The following RERE variants were observed in gnomAD, a reference collection of about 807,000 sequenced individuals.
RERE encodes arginine-glutamic acid dipeptide repeats protein.
Under a neutral mutation model 146.1 loss-of-function variants are expected in RERE, and 40 were observed. That is an observed-to-expected ratio of 0.27 (90% CI 0.21 to 0.36). RERE has a LOEUF of 0.36. Among genes scored for constraint, RERE ranks in the 10% least tolerant of loss-of-function variants. The probability of loss-of-function intolerance (pLI) is 1.00; values close to 1 mark genes in which losing one functional copy is unlikely to be tolerated. For synonymous variants in RERE, 1,003 were observed against 866.0 expected (o/e 1.16, Z -2.78); for missense variants, 1,933 against 2,138.7 (o/e 0.90, Z 1.90).
intron 7 of RERE, among the ~76,000 whole-genome samples, chr1:8,513,364 T>C (rs1384289492): frequency 1.3e-5 from 2 of 152,352 alleles, no homozygotes; most frequent in African/African-American, 2.4e-5. Context: ...TTTGACTTAA[T>C]AGAAAAGACA....
intron 4 of RERE, among the ~76,000 whole-genome samples, chr1:8,583,868 G>A (rs72639659): frequency 6.6e-6 from 1 of 151,674 alleles, no homozygotes; most frequent in Admixed American, 6.6e-5. Flanking sequence ...ATAAAAACAA[G>A]CAAAAGCAAA....
chr1:8,578,484 T>G (rs1646323873), intron 4 of RERE, among the ~76,000 whole-genome samples: 2 of 152,208 alleles, frequency 1.3e-5, no homozygotes, highest in African/African-American at 4.8e-5. Flanking sequence ...GTTTCTAACT[T>G]TAAACCTAAA....
At chr1:8,629,491 G>A (rs1473779627) in intron 2 of RERE, among the ~76,000 whole-genome samples, 2 of 152,130 alleles carry the variant, frequency 1.3e-5, no homozygotes, top group Non-Finnish European at 1.5e-5. Context: ...GATTCTCAAG[G>A]CAAAGAAGGC....
intron 11 of RERE, 52 bp downstream of exon 11, chr1:8,465,873 C>A (rs367836286): frequency 4.7e-6 from 7 of 1,494,384 alleles, no homozygotes; most frequent in African/African-American, 1.4e-5. Flanking sequence ...CACACTGAGA[C>A]GCCGGTGGCC....
At chr1:8,433,215 C>T (rs1644118588) in intron 11 of RERE, among the ~76,000 whole-genome samples, 1 of 152,196 alleles carries the variant, frequency 6.6e-6, no homozygotes, top group South Asian at 2.1e-4. Context: ...CCACCATCTT[C>T]AAAGCCTCAA....
chr1:8,684,825 T>A (rs1639049030), intron 1 of RERE, among the ~76,000 whole-genome samples: 1 of 132,724 alleles, frequency 7.5e-6, no homozygotes, highest in East Asian at 2.3e-4. Flanking sequence ...GGGTGGGAAA[T>A]CCCTTTACTC....
chr1:8,410,478 TG>T (rs1182315900), intron 12 of RERE, among the ~76,000 whole-genome samples: 5 of 152,004 alleles, frequency 3.3e-5, no homozygotes, highest in African/African-American at 1.2e-4. Context: ...GAACAATGTA[TG>T]GAAGGTGAAG....
chr1:8,714,436 G>A (rs1639724354), intron 1 of RERE, among the ~76,000 whole-genome samples: 1 of 152,176 alleles, frequency 6.6e-6, no homozygotes, highest in South Asian at 2.1e-4. Context: ...GAGGAAAATA[G>A]TCTCCAACCT....
intron 10 of RERE, among the ~76,000 whole-genome samples, chr1:8,480,151 T>G (rs1644814719): frequency 6.8e-6 from 1 of 148,044 alleles, no homozygotes; most frequent in Non-Finnish European, 1.5e-5. Flanking sequence ...TTGTTTTTTT[T>G]TTTTTTGAGA....
chr1:8,719,237 C>T (rs1639815582), intron 1 of RERE, among the ~76,000 whole-genome samples: 1 of 152,186 alleles, frequency 6.6e-6, no homozygotes, highest in East Asian at 1.9e-4. Context: ...AAGCCCCTTT[C>T]CTGCCTCCTC....
At chr1:8,527,033 A>G (rs903919218) in intron 7 of RERE, among the ~76,000 whole-genome samples, 3 of 152,234 alleles carry the variant, frequency 2.0e-5, no homozygotes, top group African/African-American at 7.2e-5. Flanking sequence ...ATGTCAGGAA[A>G]TTAAAGCCTG....
chr1:8,526,185 G>C, intron 7 of RERE: 1 of 541,436 alleles, frequency 1.8e-6, no homozygotes, highest in African/African-American at 2.0e-5. Flanking sequence ...CCCAGCCATG[G>C]AGAGGCTTCA....
chr1:8,685,398 C>G (rs1170874025), intron 1 of RERE, among the ~76,000 whole-genome samples: 1 of 147,688 alleles, frequency 6.8e-6, no homozygotes, highest in Non-Finnish European at 1.5e-5. Context: ...CAACAAAATA[C>G]AAATAATCCT....
chr1:8,597,023 C>G (rs1646562933), intron 4 of RERE, among the ~76,000 whole-genome samples: 2 of 151,836 alleles, frequency 1.3e-5, no homozygotes, highest in Non-Finnish European at 2.9e-5. Context: ...GAAAAGTTAA[C>G]TGGGTTATCT....
chr1:8,572,559 A>C (rs983514700), intron 4 of RERE, among the ~76,000 whole-genome samples: 1 of 152,228 alleles, frequency 6.6e-6, no homozygotes, highest in African/African-American at 2.4e-5. Context: ...ATATAAAAAT[A>C]AACAAAAATA....
chr1:8,414,727 A>G (rs1368379122), intron 12 of RERE, among the ~76,000 whole-genome samples: 5 of 152,184 alleles, frequency 3.3e-5, no homozygotes, highest in Admixed American at 2.6e-4. Context: ...AACTTAATTA[A>G]AAAATTCAAC....
At chr1:8,507,472 A>G (rs1318269036) in intron 8 of RERE, among the ~76,000 whole-genome samples, 2 of 152,248 alleles carry the variant, frequency 1.3e-5, no homozygotes, top group South Asian at 4.1e-4. Flanking sequence ...CAGTGTCGCA[A>G]TCTTGGCTCA....
At chr1:8,816,463 A>G (rs1411891161) in intron 1 of RERE, among the ~76,000 whole-genome samples, 3 of 152,240 alleles carry the variant, frequency 2.0e-5, no homozygotes, top group Non-Finnish European at 4.4e-5. Context: ...ACAATGAATC[A>G]TTCTGTTTTC....
intron 1 of RERE, among the ~76,000 whole-genome samples, chr1:8,692,344 C>CTTTTT (rs55723477): frequency 6.8e-6 from 1 of 147,594 alleles, no homozygotes. Flanking sequence ...CTCCCATATA[C>CTTTTT]TTTTTTTTTT....
Sources: gnomAD v4.1 joint callset for allele counts (sites outside exome capture counted in the v4.1 genomes callset) on GRCh38, gnomAD v4.1.1 for gene constraint, MANE v1.5 for transcripts, NCBI Gene and HGNC (gene_info 2026-07-23, HGNC 2026-07-21) for gene names.